The following KIF5A variants were observed in gnomAD, a reference collection of about 807,000 sequenced individuals.
KIF5A encodes kinesin heavy chain isoform 5A.
Under a neutral mutation model 141.3 loss-of-function variants are expected in KIF5A, and 35 were observed. The ratio of observed to expected loss-of-function variants is 0.25; its 90% confidence interval spans 0.19 to 0.33. The LOEUF (loss-of-function observed/expected upper bound fraction) is 0.33, where lower values mean the gene tolerates loss of function less well. Among genes scored for constraint, KIF5A ranks in the 10% least tolerant of loss-of-function variants. KIF5A has a pLI of 1.00. For missense variants in KIF5A, 861 were observed against 1,314.3 expected (o/e 0.66, Z 5.33); for synonymous variants, 448 against 500.2 (o/e 0.90, Z 1.39).
At chr12:57,573,904 A>T (rs991628154) in intron 15 of KIF5A, among the ~76,000 whole-genome samples, 4 of 151,224 alleles carry the variant, frequency 2.6e-5, no homozygotes, top group Admixed American at 1.3e-4. Context: ...ACACAGTGAA[A>T]CCCTGTCTCT....
intron 22 of KIF5A, 50 bp from the exon 23 acceptor site, chr12:57,578,188 G>A (rs1477674443): frequency 6.3e-7 from 1 of 1,586,008 alleles, no homozygotes; most frequent in South Asian, 1.1e-5. Context: ...GTCTTGGTGG[G>A]ACCTGTTTGG....
At position 57,575,649 on chromosome 12, in the gene KIF5A, A is replaced by G. The variant is rs1882398456; in HGVS notation, c.1915A>G (p.Lys639Glu). 1 of 1,614,124 alleles carries G rather than the reference A, an allele frequency of 6.2e-7. No homozygotes were observed. Among genetic ancestry groups the G allele is most frequent in the Non-Finnish European group, 8.5e-7 (1 of 1,180,000 alleles). The change falls in exon 17 of 29, where the codon AAG (lysine) becomes GAG (glutamate). Residue 639 changes from lysine to glutamate, a missense_variant. Coordinates refer to ENST00000455537, the MANE Select transcript of KIF5A (RefSeq NM_004984.4). ...AACTTTCTCCCACCAGCATGAGGCC[A>G]AGATCCGCTCGCTTACGGAATACAT... ...CQLLISQHEA[K>E]IRSLTEYMQS... is the part of the protein sequence containing the mutation.
At chr12:57,573,656 T>G (rs902226783) in intron 15 of KIF5A, among the ~76,000 whole-genome samples, 1 of 151,256 alleles carries the variant, frequency 6.6e-6, no homozygotes, top group African/African-American at 2.4e-5. Flanking sequence ...ATGGAGAAAC[T>G]CCGTGTCTAC....
At chr12:57,576,460 G>A in intron 19 of KIF5A, 82 bp downstream of exon 19, 1 of 1,068,120 alleles carries the variant, frequency 9.4e-7, no homozygotes. Flanking sequence ...CTCTGGGTCT[G>A]ATTCTTTAAC....
chr12:57,565,062 A>T, intron 6 of KIF5A, 89 bp downstream of exon 6: 1 of 1,177,728 alleles, frequency 8.5e-7, no homozygotes, highest in Non-Finnish European at 1.3e-6. Flanking sequence ...CTGAAGTTGG[A>T]GGGTGGATAT....
chr12:57,579,268 T>C (rs1291743703), intron 23 of KIF5A, among the ~76,000 whole-genome samples: 1 of 152,104 alleles, frequency 6.6e-6, no homozygotes, highest in Non-Finnish European at 1.5e-5. Context: ...GTTTGGTGCA[T>C]GCTGGGTAGG....
In KIF5A at chr12:57,581,912, C is replaced by T. The variant is rs1369446897; in HGVS notation, c.2952C>T (p.Gly984=). 7.4e-6 allele frequency: 12 copies of T among 1,613,902 alleles called. No individual in the cohort carries two copies. The highest frequency in any genetic ancestry group is 2.2e-5 in the East Asian group (1 of 44,894). Residue 984 remains glycine, a synonymous_variant, in exon 26 of 29, where the codon GGC becomes GGT. Coordinates refer to ENST00000455537, the MANE Select transcript of KIF5A (RefSeq NM_004984.4). ...SCTSSGATSS[G]GPLASYQKAN... ...CCAGCAGTGGAGCCACATCTTCTGGCGGCCCCTTGGCTTCCTACCAGAAGG... is the reference window on the plus strand; with the variant it reads ...CCAGCAGTGGAGCCACATCTTCTGGTGGCCCCTTGGCTTCCTACCAGAAGG...
At chr12:57,582,922 T>C (rs1882650867) in intron 27 of KIF5A, 179 bp from the exon 28 acceptor site, 1 of 677,128 alleles carries the variant, frequency 1.5e-6, no homozygotes, top group South Asian at 1.7e-5. Context: ...TTTGGAAGCC[T>C]TGTGACATTG....
chr12:57,582,552 TCTC>T, intron 26 of KIF5A, 47 bp from the exon 27 acceptor site: 1 of 1,495,922 alleles, frequency 6.7e-7, no homozygotes, highest in South Asian at 1.1e-5. Flanking sequence ...TAACACCCAA[TCTC>T]CTTTTTTCTT....
At chr12:57,551,452 CT>C (rs1881570231) in intron 1 of KIF5A, among the ~76,000 whole-genome samples, 1 of 152,150 alleles carries the variant, frequency 6.6e-6, no homozygotes, top group Non-Finnish European at 1.5e-5. Context: ...TGTTCTGCAC[CT>C]TTATCTGTAA....
rs769491011 is a variant in KIF5A, at chr12:57,567,556, A to G, written c.652A>G (p.Met218Val). 3.7e-6 allele frequency: 6 copies of G among 1,612,710 alleles called. No homozygotes were observed. In the Admixed American group the frequency reaches 5.0e-5, roughly 13 times the overall value. ...IFLINIKQEN[M>V]ETEQKLSGKL... ...CCTCATCAACATCAAGCAGGAGAACATGGAAACGGAGCAGAAGCTCAGTGG... is the reference window on the plus strand; with the variant it reads ...CCTCATCAACATCAAGCAGGAGAACGTGGAAACGGAGCAGAAGCTCAGTGG... The change falls in exon 8 of 29, where the codon ATG becomes GTG. Residue 218 changes from methionine to valine, a missense_variant. Coordinates refer to ENST00000455537, the MANE Select transcript of KIF5A (RefSeq NM_004984.4).
At chr12:57,565,155 C>T (rs1882024475) in intron 6 of KIF5A, among the ~76,000 whole-genome samples, 182 bp downstream of exon 6, 1 of 152,156 alleles carries the variant, frequency 6.6e-6, no homozygotes, top group South Asian at 2.1e-4. Context: ...CATGGTGGCT[C>T]ATACCTGTAA....
intron 15 of KIF5A, 33 bp from the exon 16 acceptor site, chr12:57,575,051 A>C: frequency 6.2e-7 from 1 of 1,605,766 alleles, no homozygotes; most frequent in Non-Finnish European, 8.5e-7. Context: ...CCCAGCAGCC[A>C]AGAAGCATCT....
rs1416076720 is a variant in KIF5A at position 57,581,175 on chromosome 12, G to A, written c.2755+3G>A. The stretch of plus-strand genomic sequence containing the variant: ...ACGGGGCCATTCTGCCCAGATTGGT[G>A]AGTAGGTGTTAGCAGGCAAGGTGGG... On this transcript the variant is annotated splice_donor_region_variant and intron_variant, in intron 24 of 28. Transcript: ENST00000455537. The A allele has an allele frequency of 1.2e-6, 2 of 1,612,902 alleles. No homozygotes were observed. The highest frequency in any genetic ancestry group is 2.7e-5 in the African/African-American group (2 of 74,878).
At chr12:57,581,202 G>A (rs1369595279) in intron 24 of KIF5A, 30 bp downstream of exon 24, 2 of 1,602,662 alleles carry the variant, frequency 1.2e-6, no homozygotes, top group South Asian at 1.1e-5. Flanking sequence ...CAAGGTGGGA[G>A]TATCTCCTGA....
chr12:57,563,346 G>A (rs985487702), intron 1 of KIF5A, 93 bp from the exon 2 acceptor site: 8 of 885,130 alleles, frequency 9.0e-6, no homozygotes, highest in South Asian at 8.2e-5. Flanking sequence ...TGAAGAAAAG[G>A]GTGCCTTTCT....
At position 57,550,786 on chromosome 12, in the gene KIF5A, C is replaced by A. The variant is rs192153867; in HGVS notation, c.129+386C>A. Among the ~76,000 whole-genome samples, 1 of 152,308 alleles carries A rather than the reference C, an allele frequency of 6.6e-6. No individual in the cohort carries two copies. Among genetic ancestry groups the A allele is most frequent in the East Asian group, 1.9e-4 (1 of 5,188 alleles). On this transcript the variant is annotated intron_variant, in intron 1 of 28. Coordinates refer to ENST00000455537, the MANE Select transcript of KIF5A (RefSeq NM_004984.4). This position sits in a 1 kb window ranked among gnomAD's most constrained non-coding sequence, Gnocchi z 4.6. The stretch of plus-strand genomic sequence containing the variant: ...GGCTCAGATCTCTACCCCCACCTCC[C>A]GGAAGGTAAGGCGGAAGACTTTTGG...
chr12:57,563,556 C>G (rs757940468), intron 2 of KIF5A, 30 bp downstream of exon 2: 1 of 1,606,252 alleles, frequency 6.2e-7, no homozygotes, highest in South Asian at 1.1e-5. Context: ...AATGTCTCTT[C>G]TCAGCACCCC....
chr12:57,556,663 G>C (rs1881756402), intron 1 of KIF5A, among the ~76,000 whole-genome samples: 1 of 151,258 alleles, frequency 6.6e-6, no homozygotes, highest in South Asian at 2.1e-4. Context: ...GGCTGGGGTG[G>C]GGTGGTTGGT....
Sources: allele counts gnomAD v4.1 joint callset (sites outside exome capture counted in the v4.1 genomes callset), GRCh38; gene constraint gnomAD v4.1.1; non-coding constraint Gnocchi (gnomAD v3.1); transcripts MANE v1.5; gene names NCBI Gene and HGNC (gene_info 2026-07-23, HGNC 2026-07-21).